The following CYP20A1 variants were observed in gnomAD, a reference collection of about 807,000 sequenced individuals.
The protein encoded by CYP20A1 is cytochrome P450 family 20 subfamily A member 1.
Under a neutral mutation model 61.4 loss-of-function variants are expected in CYP20A1, and 61 were observed. The ratio of observed to expected loss-of-function variants is 0.99; its 90% confidence interval spans 0.81 to 1.23. The LOEUF (loss-of-function observed/expected upper bound fraction) is 1.23, where lower values mean the gene tolerates loss of function less well. Ranked by LOEUF, CYP20A1 falls within the 50% of genes most tolerant of loss-of-function variation. The pLI is 0.00. For missense variants in CYP20A1, 530 were observed against 542.4 expected (o/e 0.98, Z 0.23); for synonymous variants, 193 against 188.2 (o/e 1.03, Z -0.21).
At position 203,296,967 on chromosome 2, in the gene CYP20A1, A is replaced by C. The variant is rs2068830284; in HGVS notation, c.*59A>C. The C allele has an allele frequency of 9.9e-7, 1 of 1,009,754 alleles. No homozygotes were observed. Among genetic ancestry groups the C allele is most frequent in the African/African-American group, 1.7e-5 (1 of 60,100 alleles). The allele number at this position is 1,009,754 out of a possible 1,614,324, so 62.5% of individuals were successfully genotyped here. A position where few individuals can be genotyped will look rare whatever the true frequency, so the allele number is the denominator to read the frequency against. On this transcript the variant is annotated 3_prime_UTR_variant, in exon 13 of 13. Transcript: ENST00000356079. ...TTGAGGAAAACAACCATTTAAAAAAAATCTATGTTGAATCCTTTTATAAAC... is the reference window on the plus strand; with the variant it reads ...TTGAGGAAAACAACCATTTAAAAAACATCTATGTTGAATCCTTTTATAAAC...
chr2:203,268,830 T>C (rs2067440761), intron 5 of CYP20A1, among the ~76,000 whole-genome samples: 1 of 152,112 alleles, frequency 6.6e-6, no homozygotes, highest in Non-Finnish European at 1.5e-5. Flanking sequence ...AAATGATCTT[T>C]TAATGTCTGA....
chr2:203,285,599 A>G lies in CYP20A1; in HGVS notation c.851-13A>G. The G allele has an allele frequency of 1.3e-6, 2 of 1,552,684 alleles. No individual in the cohort carries two copies. The highest frequency in any genetic ancestry group is 1.7e-6 in the Non-Finnish European group (2 of 1,159,444). On this transcript the variant is annotated splice_polypyrimidine_tract_variant and intron_variant, in intron 8 of 12. Coordinates refer to ENST00000356079, the MANE Select transcript of CYP20A1 (RefSeq NM_177538.3). ...AGCTATTTTCATTGTTATTCATATA[A>G]TGTTTGACCTAGTGTGTACCTGGGC...
chr2:203,288,061 CTTTTTTT>C (rs869173270), intron 9 of CYP20A1, among the ~76,000 whole-genome samples: 1 of 70,444 alleles, frequency 1.4e-5, no homozygotes, highest in African/African-American at 6.5e-5. Context: ...TTCTCTCTCT[CTTTTTTT>C]TTTTTTTTTT....
At chr2:203,270,356 C>CT (rs1327544869) in intron 5 of CYP20A1, among the ~76,000 whole-genome samples, 3 of 151,830 alleles carry the variant, frequency 2.0e-5, no homozygotes, top group Non-Finnish European at 4.4e-5. Context: ...ATTTTATTTA[C>CT]TTTTTTGTGA....
chr2:203,242,498 G>A (rs2066287817), intron 1 of CYP20A1, among the ~76,000 whole-genome samples: 2 of 152,112 alleles, frequency 1.3e-5, no homozygotes, highest in Admixed American at 1.3e-4. Flanking sequence ...GATGATGTAA[G>A]AAGCTTATGG....
chr2:203,250,918 G>T (rs1487686673), intron 3 of CYP20A1, among the ~76,000 whole-genome samples: 1 of 151,826 alleles, frequency 6.6e-6, no homozygotes, highest in African/African-American at 2.4e-5. Flanking sequence ...CAAAAAATTA[G>T]CCGGGCATGC....
intron 1 of CYP20A1, among the ~76,000 whole-genome samples, chr2:203,245,360 T>G (rs986491899): frequency 4.6e-5 from 7 of 151,842 alleles, no homozygotes; most frequent in African/African-American, 1.5e-4. Context: ...TTTTTTTTTT[T>G]TTTCATTTTA....
intron 1 of CYP20A1, among the ~76,000 whole-genome samples, chr2:203,244,663 G>A (rs773067214): frequency 5.9e-5 from 9 of 151,378 alleles, no homozygotes; most frequent in Non-Finnish European, 1.2e-4. Flanking sequence ...GATGTAGAGT[G>A]TATATTAAAT....
rs2068842861 is a variant in CYP20A1, at chr2:203,297,280, AAACAT to A, written c.*374_*378del. The A allele has an allele frequency of 1.1e-5, 2 of 175,906 alleles. No individual in the cohort carries two copies. The highest frequency in any genetic ancestry group is 2.3e-4 in the South Asian group (2 of 8,568). The allele number at this position is 175,906 out of a possible 1,614,324, so 10.9% of individuals were successfully genotyped here. On this transcript the variant is annotated 3_prime_UTR_variant, in exon 13 of 13. Transcript: ENST00000356079. ...TGTTTGTTGAATATGTATAAAATAG[AAACAT>A]AGGCTGGGCGCGGTGGCTCACACCT...
At chr2:203,294,941 ATTTTTTT>A (rs1167546590) in intron 11 of CYP20A1, among the ~76,000 whole-genome samples, 4 of 45,434 alleles carry the variant, frequency 8.8e-5, no homozygotes, top group Admixed American at 3.6e-4. Context: ...CTTTAAAAAA[ATTTTTTT>A]TTTTTTTTTT....
intron 8 of CYP20A1, among the ~76,000 whole-genome samples, chr2:203,281,834 A>G (rs2068055716): frequency 6.6e-6 from 1 of 151,994 alleles, no homozygotes; most frequent in Admixed American, 6.6e-5. Context: ...AAGTATTAGG[A>G]CATGAATTTA....
intron 8 of CYP20A1, among the ~76,000 whole-genome samples, chr2:203,281,119 GT>G (rs2068025148): frequency 6.6e-6 from 1 of 152,086 alleles, no homozygotes; most frequent in Non-Finnish European, 1.5e-5. Context: ...TCCTCACTTG[GT>G]TTTTAGATTG....
At position 203,272,768 on chromosome 2, in the gene CYP20A1, T is replaced by A; in HGVS notation, c.679+20T>A. On this transcript the variant is annotated intron_variant, in intron 6 of 12. Coordinates refer to ENST00000356079, the MANE Select transcript of CYP20A1 (RefSeq NM_177538.3). ...AAGATGGTAAGTTTGGTCACTTAAT[T>A]TTTAGTGAGGACAAAAAATAAATGT... The A allele has an allele frequency of 6.8e-7, 1 of 1,468,178 alleles. No individual in the cohort carries two copies. Among genetic ancestry groups the A allele is most frequent in the Non-Finnish European group, 9.4e-7 (1 of 1,062,068 alleles). 90.9% of individuals were successfully genotyped at this position (1,468,178 alleles called of 1,614,324 possible).
At chr2:203,272,063 GCT>G (rs1219447798) in intron 5 of CYP20A1, among the ~76,000 whole-genome samples, 1 of 152,168 alleles carries the variant, frequency 6.6e-6, no homozygotes, top group African/African-American at 2.4e-5. Flanking sequence ...TGACTCTACT[GCT>G]GTGTCCTTTT....
At position 203,285,671 on chromosome 2, in the gene CYP20A1, G is replaced by A. The variant is rs2068235577; in HGVS notation, c.910G>A (p.Glu304Lys). The A allele has an allele frequency of 6.2e-7, 1 of 1,607,340 alleles. No homozygotes were observed. Among genetic ancestry groups the A allele is most frequent in the Non-Finnish European group, 8.5e-7 (1 of 1,178,524 alleles). ...TSEEVQKKLY[E>K]EINQVFGNGP... is the part of the protein sequence containing the mutation. ...TGAAGAAGTTCAAAAAAAATTATAT[G>A]AAGAGATAAACCAAGTTTTTGGAAA... Residue 304 changes from glutamate (E) to lysine (K), a missense_variant, in exon 9 of 13, where the codon GAA (glutamate) becomes AAA (lysine). Coordinates refer to ENST00000356079, the MANE Select transcript of CYP20A1 (RefSeq NM_177538.3).
chr2:203,285,269 A>T (rs2068217542), intron 8 of CYP20A1, among the ~76,000 whole-genome samples: 4 of 152,180 alleles, frequency 2.6e-5, no homozygotes, highest in Admixed American at 2.6e-4. Flanking sequence ...AATCCATTGC[A>T]ACAGCCAACA....
chr2:203,261,410 A>AT (rs2067132023), intron 4 of CYP20A1, among the ~76,000 whole-genome samples: 1 of 150,438 alleles, frequency 6.6e-6, no homozygotes, highest in African/African-American at 2.4e-5. Context: ...AAAATTTAAA[A>AT]ATATATATTA....
At chr2:203,264,513 C>T (rs1246930981) in intron 4 of CYP20A1, among the ~76,000 whole-genome samples, 1 of 151,682 alleles carries the variant, frequency 6.6e-6, no homozygotes. Flanking sequence ...TACTTTCAAC[C>T]TCTCTGTCAT....
rs2069174061 is a variant in CYP20A1, at chr2:203,305,276, C to G, written c.*8368C>G. ...AGTGCAGTGGTGCAATCTCAGCTCA[C>G]TGCAACCTCCCCCTCTCAGGTTCAA... is the stretch of plus-strand genomic sequence containing the variant. On this transcript the variant is annotated 3_prime_UTR_variant, in exon 13 of 13. Coordinates refer to ENST00000356079, the MANE Select transcript of CYP20A1 (RefSeq NM_177538.3). Among the ~76,000 whole-genome samples the G allele has an allele frequency of 7.2e-6, 1 of 138,006 alleles. No individual in the cohort carries two copies. Among genetic ancestry groups the G allele is most frequent in the Non-Finnish European group, 1.5e-5 (1 of 66,040 alleles). The allele number at this position is 138,006 out of a possible 152,430, so 90.5% of individuals were successfully genotyped here. A position where few individuals can be genotyped will look rare whatever the true frequency, so the allele number is the denominator to read the frequency against.
Sources: gnomAD v4.1 joint callset for allele counts (sites outside exome capture counted in the v4.1 genomes callset) on GRCh38, gnomAD v4.1.1 for gene constraint, MANE v1.5 for transcripts, NCBI Gene and HGNC (gene_info 2026-07-23, HGNC 2026-07-21) for gene names.